The following PDE6A variants were observed in gnomAD, a reference collection of about 807,000 sequenced individuals.
PDE6A encodes the protein rod cGMP-specific 3',5'-cyclic phosphodiesterase subunit alpha.
A neutral mutation model predicts 106.3 loss-of-function variants in PDE6A; 84 were observed. That is an observed-to-expected ratio of 0.79 (90% CI 0.66 to 0.95). PDE6A has a LOEUF of 0.95. Among genes scored for constraint, PDE6A ranks in the 40% least tolerant of loss-of-function variants. The pLI is 0.00. For synonymous variants in PDE6A, 394 were observed against 386.6 expected, an observed-to-expected ratio of 1.02 and a Z score of -0.23; for missense variants, 1,052 against 1,084.9, an observed-to-expected ratio of 0.97 and a Z score of 0.43.
At chr5:149,906,553 C>T (rs1034644871) in intron 7 of PDE6A, among the ~76,000 whole-genome samples, 13 of 63,852 alleles carry the variant, frequency 2.0e-4, no homozygotes, top group African/African-American at 5.8e-4. Flanking sequence ...ACCTTTTAGA[C>T]AAGGCATCCA....
chr5:149,882,623 C>T (rs35570504), intron 17 of PDE6A, among the ~76,000 whole-genome samples: 2 of 151,968 alleles, frequency 1.3e-5, no homozygotes, highest in Non-Finnish European at 2.9e-5. Flanking sequence ...ACCAACCATG[C>T]CAGACCATGC....
chr5:149,866,517 G>T (rs542148844), intron 19 of PDE6A: 41 of 453,958 alleles, frequency 9.0e-5, no homozygotes, highest in Non-Finnish European at 1.6e-4. Flanking sequence ...AGGCCAGAGG[G>T]TGGGAGGGAT....
At chr5:149,927,528 G>A (rs914410565) in intron 4 of PDE6A, among the ~76,000 whole-genome samples, 9 of 151,908 alleles carry the variant, frequency 5.9e-5, no homozygotes, top group East Asian at 3.9e-4. Flanking sequence ...TTCTTCTACC[G>A]CAGCCTCTTG....
rs534037061 is a variant in PDE6A at position 149,859,875 on chromosome 5, G to A, written c.*1020C>T. ...ATTTCTTTAAAGATGAGATAGTAGA[G>A]GTGTGAAATGATATGTTTGGGATTT... On this transcript the variant is annotated 3_prime_UTR_variant, in exon 22 of 22. Transcript: ENST00000255266. 6.6e-6 allele frequency: 1 copy of A among 152,268 alleles called. No homozygotes were observed. The highest frequency in any genetic ancestry group is 2.1e-4 in the South Asian group (1 of 4,818). The allele number at this position is 152,268 out of a possible 1,614,324, so 9.4% of individuals were successfully genotyped here. A position where few individuals can be genotyped will look rare whatever the true frequency, so the allele number is the denominator to read the frequency against.
At chr5:149,866,303 AC>A in intron 19 of PDE6A, 50 bp from the exon 20 acceptor site, 1 of 1,277,176 alleles carries the variant, frequency 7.8e-7, no homozygotes, top group Non-Finnish European at 1.1e-6. Flanking sequence ...AGAGAAACCT[AC>A]CCTATCTATG....
intron 4 of PDE6A, among the ~76,000 whole-genome samples, chr5:149,924,082 A>G (rs923027302): frequency 6.6e-6 from 1 of 152,226 alleles, no homozygotes; most frequent in Admixed American, 6.5e-5. Flanking sequence ...AATTCTAGGC[A>G]AAAATATAAC....
rs1306436067 is a variant in PDE6A at position 149,920,903 on chromosome 5, G to A, written c.933+732C>T. Among the ~76,000 whole-genome samples, 9 of 137,118 alleles carry A rather than the reference G, an allele frequency of 6.6e-5. No homozygotes were observed. The East Asian group carries it at 1.9e-3, about 29-fold the overall frequency. The allele number at this position is 137,118 out of a possible 152,430, so 90.0% of individuals were successfully genotyped here. ...AGAGAGAGACAGAGAGAGAGAGAGA[G>A]AGAAGAAAAGAAAGAAAGAAGAAAG... On this transcript the variant is annotated intron_variant, in intron 5 of 21. Transcript: ENST00000255266.
chr5:149,939,895 T>C (rs1467551492), intron 1 of PDE6A: 2 of 150,546 alleles, frequency 1.3e-5, no homozygotes, highest in Non-Finnish European at 2.9e-5. Context: ...TAAGAGGAAT[T>C]AAGGCTCTGT....
In PDE6A at chr5:149,918,637, G is replaced by A. The variant is rs547798520; in HGVS notation, c.933+2998C>T. On this transcript the variant is annotated intron_variant, in intron 5 of 21. Coordinates refer to ENST00000255266, the MANE Select transcript of PDE6A (RefSeq NM_000440.3). ...TATTAATTTACTTTTTTTGAGCCAG[G>A]ATCTCATTCTGTCACCCAGGCTGGA... Among the ~76,000 whole-genome samples, 4 of 151,902 alleles carry A rather than the reference G, an allele frequency of 2.6e-5. No individual in the cohort carries two copies. In the East Asian group the frequency reaches 7.8e-4, roughly 29 times the overall value.
chr5:149,934,629 C>CACATCCTT lies in PDE6A; in HGVS notation c.556_563dup (p.Val189ArgfsTer6). The stretch of plus-strand genomic sequence containing the variant: ...TATTCACAGCCATGATTATGGCCAC[C>CACATCCTT]ACATCCTTCCCATTCATTATGGGGG... On this transcript the variant is annotated frameshift_variant, in exon 2 of 22. Transcript: ENST00000255266. LOFTEE classifies it high-confidence loss of function. The CACATCCTT allele has an allele frequency of 6.2e-7, 1 of 1,614,078 alleles. No homozygotes were observed. Among genetic ancestry groups the CACATCCTT allele is most frequent in the Non-Finnish European group, 8.5e-7 (1 of 1,179,900 alleles).
chr5:149,906,521 A>C (rs1753192905), intron 7 of PDE6A, among the ~76,000 whole-genome samples: 1 of 112,858 alleles, frequency 8.9e-6, no homozygotes, highest in African/African-American at 3.8e-5. Context: ...GACACTGTCA[A>C]AAAAAAAAAA....
At chr5:149,870,783 A>C (rs4705391) in intron 17 of PDE6A, among the ~76,000 whole-genome samples, 4,619 of 150,902 alleles carry the variant, frequency 0.031, 108 homozygotes, top group Admixed American at 0.051. Context: ...AAAAAAAAAA[A>C]AAAAAAAAAC....
chr5:149,884,892 A>G (rs777132634), intron 14 of PDE6A, 25 bp from the exon 15 acceptor site: 2 of 1,552,438 alleles, frequency 1.3e-6, no homozygotes, highest in East Asian at 2.2e-5. Context: ...GAGAGAATCA[A>G]TATGGAGTGG....
At chr5:149,918,905 G>C (rs1753628583) in intron 5 of PDE6A, among the ~76,000 whole-genome samples, 1 of 152,094 alleles carries the variant, frequency 6.6e-6, no homozygotes, top group Non-Finnish European at 1.5e-5. Flanking sequence ...TTATAGGCAT[G>C]AACCACTGCA....
At chr5:149,911,368 A>G (rs970935094) in intron 6 of PDE6A, among the ~76,000 whole-genome samples, 4 of 152,172 alleles carry the variant, frequency 2.6e-5, no homozygotes, top group Non-Finnish European at 5.9e-5. Flanking sequence ...CTTTGTTCCT[A>G]TAAAACCAAC....
At chr5:149,943,544 C>G (rs1330379830) in intron 1 of PDE6A, among the ~76,000 whole-genome samples, 1 of 152,226 alleles carries the variant, frequency 6.6e-6, no homozygotes, top group African/African-American at 2.4e-5. Flanking sequence ...TGGTCTCAAA[C>G]TCTTGGGCTC....
At chr5:149,903,147 TAAAA>T (rs373566897) in intron 8 of PDE6A, among the ~76,000 whole-genome samples, 1 of 90,978 alleles carries the variant, frequency 1.1e-5, no homozygotes, top group African/African-American at 4.2e-5. Context: ...AGACCCTCTC[TAAAA>T]AAAAAAAAAA....
intron 21 of PDE6A, among the ~76,000 whole-genome samples, chr5:149,862,321 T>C (rs1195607080): frequency 1.3e-5 from 2 of 152,212 alleles, no homozygotes; most frequent in Non-Finnish European, 2.9e-5. Flanking sequence ...ATTTGAGTTC[T>C]AGGAAGACCT....
rs373844828 is a variant in PDE6A, at chr5:149,901,460, G to A, written c.1114-1936C>T. The stretch of plus-strand genomic sequence containing the variant: ...GCAGAATCGCTTGAACCCAGGAGGC[G>A]GAGGTTGTGGTGAGCCGAGATCGTG... On this transcript the variant is annotated intron_variant, in intron 8 of 21. Coordinates refer to ENST00000255266, the MANE Select transcript of PDE6A (RefSeq NM_000440.3). Among the ~76,000 whole-genome samples, 10 of 152,224 alleles carry A rather than the reference G, an allele frequency of 6.6e-5. 2 individuals are homozygous for A. The highest frequency in any genetic ancestry group is 4.2e-4 in the South Asian group (2 of 4,818).
Sources: gnomAD v4.1 joint callset for allele counts (sites outside exome capture counted in the v4.1 genomes callset) on GRCh38, gnomAD v4.1.1 for gene constraint, MANE v1.5 for transcripts, NCBI Gene and HGNC (gene_info 2026-07-23, HGNC 2026-07-21) for gene names.